The following SLCO3A1 variants were observed in gnomAD, a reference collection of about 807,000 sequenced individuals.
The protein encoded by SLCO3A1 is solute carrier organic anion transporter family member 3A1.
Under a neutral mutation model 63.1 loss-of-function variants are expected in SLCO3A1, and 27 were observed. That is an observed-to-expected ratio of 0.43 (90% CI 0.32 to 0.59). The LOEUF (loss-of-function observed/expected upper bound fraction) is 0.59, where lower values mean the gene tolerates loss of function less well. SLCO3A1 is among the 20% of genes least tolerant of loss of function. The pLI is 0.09. For synonymous variants in SLCO3A1, 473 were observed against 409.9 expected (o/e 1.15, Z -1.86); for missense variants, 773 against 945.8 (o/e 0.82, Z 2.40).
rs995485811 is a variant in SLCO3A1 at position 92,037,127 on chromosome 15, C to T, written c.647-57754C>T. The stretch of plus-strand genomic sequence containing the variant: ...GGATGGTCAGTTGTATTCTATAAGC[C>T]CCCTAACAGGTTTGATTCTCCATAG... On this transcript the variant is annotated intron_variant, in intron 2 of 9. Coordinates refer to ENST00000318445, the MANE Select transcript of SLCO3A1 (RefSeq NM_013272.4). Among the ~76,000 whole-genome samples, 3 of 152,106 alleles carry T rather than the reference C, an allele frequency of 2.0e-5. No homozygotes were observed. In the East Asian group the frequency reaches 5.8e-4, roughly 29 times the overall value.
At position 91,916,277 on chromosome 15, in the gene SLCO3A1, G is replaced by T. The variant is rs762827656; in HGVS notation, c.465G>T (p.Ser155=). 3 of 1,546,722 alleles carry T rather than the reference G, an allele frequency of 1.9e-6. No individual in the cohort carries two copies. The highest frequency in any genetic ancestry group is 1.7e-6 in the Non-Finnish European group (2 of 1,149,802). The change falls in exon 2 of 10, where the codon TCG becomes TCT. Residue 155 remains serine (S), a synonymous_variant. Coordinates refer to ENST00000318445, the MANE Select transcript of SLCO3A1 (RefSeq NM_013272.4). The surrounding 1 kb of genome is among the most constrained non-coding windows in gnomAD (Gnocchi z 6.2). ...EGRDVCAANG[S]GGDEGPDPDL... ...GCGACGTCTGCGCAGCCAACGGCTC[G>T]GGCGGCGACGAGGGGCCCGACCCCG...
intron 2 of SLCO3A1, among the ~76,000 whole-genome samples, chr15:92,091,907 G>C (rs1345822164): frequency 6.6e-6 from 1 of 152,210 alleles, no homozygotes; most frequent in Non-Finnish European, 1.5e-5. Context: ...CCAAACTCTG[G>C]AAACCCACAC....
At chr15:91,904,375 G>A (rs935074893) in intron 1 of SLCO3A1, among the ~76,000 whole-genome samples, 3 of 152,200 alleles carry the variant, frequency 2.0e-5, no homozygotes, top group Non-Finnish European at 4.4e-5. Context: ...CGCTGGGGGA[G>A]TAGAATTAAA....
chr15:91,857,213 C>A (rs570386331), intron 1 of SLCO3A1, among the ~76,000 whole-genome samples: 12 of 151,986 alleles, frequency 7.9e-5, no homozygotes, highest in Non-Finnish European at 1.6e-4. Context: ...TTAGGCTAGG[C>A]TGGGGGCCTG....
At chr15:92,141,681 C>G (rs1478104409) in intron 7 of SLCO3A1, among the ~76,000 whole-genome samples, 1 of 152,192 alleles carries the variant, frequency 6.6e-6, no homozygotes, top group Non-Finnish European at 1.5e-5. Context: ...AATCATCTCT[C>G]TGCACTCTGG....
chr15:91,964,599 G>A lies in SLCO3A1; in HGVS notation c.646+48141G>A, dbSNP rs150258337. Among the ~76,000 whole-genome samples, 405 of 152,232 alleles carry A rather than the reference G, an allele frequency of 2.7e-3. 1 individual carries two copies. Among genetic ancestry groups the A allele is most frequent in the African/African-American group, 9.3e-3 (387 of 41,544 alleles). On this transcript the variant is annotated intron_variant, in intron 2 of 9. Coordinates refer to ENST00000318445, the MANE Select transcript of SLCO3A1 (RefSeq NM_013272.4). The stretch of plus-strand genomic sequence containing the variant: ...AGGAGAAAAGACCCTGGTGGAAGGG[G>A]CATGGGAAGTCTTGTGGACCAGGCC...
Position 91,854,172 on chromosome 15 carries a change from C to A in SLCO3A1, c.180+84C>A. The A allele has an allele frequency of 8.1e-7, 1 of 1,232,144 alleles. No individual in the cohort carries two copies. The highest frequency in any genetic ancestry group is 1.0e-6 in the Non-Finnish European group (1 of 960,274). The allele number at this position is 1,232,144 out of a possible 1,614,324, so 76.3% of individuals were successfully genotyped here. On this transcript the variant is annotated intron_variant, in intron 1 of 9. Coordinates refer to ENST00000318445, the MANE Select transcript of SLCO3A1 (RefSeq NM_013272.4). This position sits in a 1 kb window ranked among gnomAD's most constrained non-coding sequence, Gnocchi z 6.4. The stretch of plus-strand genomic sequence containing the variant: ...CGCCTGGCCCGACGAGGGGGCCGCC[C>A]GGCGCTGGGGGCAGGCGGGCATGAC...
intron 2 of SLCO3A1, among the ~76,000 whole-genome samples, chr15:92,036,598 TTG>T (rs1401714646): frequency 1.3e-5 from 2 of 152,108 alleles, no homozygotes; most frequent in Non-Finnish European, 2.9e-5. Context: ...ATCAAAAAAA[TTG>T]TTTCCATTAT....
intron 2 of SLCO3A1, among the ~76,000 whole-genome samples, chr15:92,002,609 T>G (rs1319026905): frequency 3.3e-5 from 5 of 152,218 alleles, no homozygotes; most frequent in Admixed American, 3.3e-4. Flanking sequence ...TAATTAATTT[T>G]ATTTGCCTGA....
chr15:92,122,533 C>A (rs1237477100), intron 5 of SLCO3A1, among the ~76,000 whole-genome samples: 5 of 152,232 alleles, frequency 3.3e-5, no homozygotes, highest in Non-Finnish European at 7.3e-5. Context: ...GCCACTGGAA[C>A]TCGCATACTT....
At position 91,856,407 on chromosome 15, in the gene SLCO3A1, G is replaced by A. The variant is rs1313858271; in HGVS notation, c.180+2319G>A. Among the ~76,000 whole-genome samples, 1 of 152,190 alleles carries A rather than the reference G, an allele frequency of 6.6e-6. No homozygotes were observed. Among genetic ancestry groups the A allele is most frequent in the Non-Finnish European group, 1.5e-5 (1 of 68,032 alleles). On this transcript the variant is annotated intron_variant, in intron 1 of 9. Transcript: ENST00000318445. The surrounding 1 kb of genome is among the most constrained non-coding windows in gnomAD (Gnocchi z 4.9). ...GGAGCCTCATGAAAATAAATAGTTG[G>A]CTTGTCAGGGTTGACTGACGCAGCT...
intron 2 of SLCO3A1, among the ~76,000 whole-genome samples, chr15:91,924,323 G>A (rs897874115): frequency 2.0e-5 from 3 of 152,122 alleles, no homozygotes; most frequent in Non-Finnish European, 4.4e-5. Flanking sequence ...CTGGAAATCC[G>A]TATTTTTCAA....
intron 2 of SLCO3A1, among the ~76,000 whole-genome samples, chr15:92,091,232 G>A (rs2047471286): frequency 6.6e-6 from 1 of 152,170 alleles, no homozygotes. Flanking sequence ...ATCCAGGGTA[G>A]TAGCAAAGAA....
At chr15:91,867,816 G>C (rs2141850916) in intron 1 of SLCO3A1, among the ~76,000 whole-genome samples, 1 of 152,292 alleles carries the variant, frequency 6.6e-6, no homozygotes, top group South Asian at 2.1e-4. Flanking sequence ...GGAGGCCCCG[G>C]GTGTTCTGGG....
At chr15:91,990,023 A>C (rs575097955) in intron 2 of SLCO3A1, among the ~76,000 whole-genome samples, 2 of 152,322 alleles carry the variant, frequency 1.3e-5, no homozygotes, top group South Asian at 4.1e-4. Context: ...AGCTCAGTCC[A>C]TGTAGTGTAT....
intron 2 of SLCO3A1, among the ~76,000 whole-genome samples, chr15:92,062,300 G>A (rs2047096235): frequency 6.6e-6 from 1 of 152,210 alleles, no homozygotes; most frequent in African/African-American, 2.4e-5. Flanking sequence ...TCTGAATTTT[G>A]TGGGGACAGC....
intron 2 of SLCO3A1, among the ~76,000 whole-genome samples, chr15:91,929,101 T>G (rs78497274): frequency 0.016 from 2,454 of 152,282 alleles, 58 homozygotes; most frequent in African/African-American, 0.054. Flanking sequence ...CCCCAAGACC[T>G]TTCCTCATGG....
chr15:91,926,596 T>TGTGTGTGTGTGG lies in SLCO3A1; in HGVS notation c.646+10139_646+10140insTGTGTGTGTGGG. On this transcript the variant is annotated intron_variant, in intron 2 of 9. Transcript: ENST00000318445. The stretch of plus-strand genomic sequence containing the variant: ...GTGTGTGTGTGTGTGTGTGTGTGTG[T>TGTGTGTGTGTGG]GCGCGCGCGCACGCCCATGCTTATT... Among the ~76,000 whole-genome samples, 427 of 105,314 alleles carry TGTGTGTGTGTGG rather than the reference T, an allele frequency of 4.1e-3. 6 individuals are homozygous for TGTGTGTGTGTGG. Among genetic ancestry groups the TGTGTGTGTGTGG allele is most frequent in the African/African-American group, 0.015 (402 of 27,394 alleles). The allele number at this position is 105,314 out of a possible 152,430, so 69.1% of individuals were successfully genotyped here. A position where few individuals can be genotyped will look rare whatever the true frequency, so the allele number is the denominator to read the frequency against.
At chr15:92,128,670 A>G (rs185317061) in intron 7 of SLCO3A1, among the ~76,000 whole-genome samples, 181 bp downstream of exon 7, 3 of 152,154 alleles carry the variant, frequency 2.0e-5, no homozygotes, top group African/African-American at 4.8e-5. Flanking sequence ...TGCTAAATCA[A>G]GTGGGTTTGT....
Sources: gnomAD v4.1 joint callset for allele counts (sites outside exome capture counted in the v4.1 genomes callset) on GRCh38, gnomAD v4.1.1 for gene constraint, Gnocchi (gnomAD v3.1) non-coding constraint, MANE v1.5 for transcripts, NCBI Gene and HGNC (gene_info 2026-07-23, HGNC 2026-07-21) for gene names.